The following DDO variants were observed in gnomAD, a reference collection of about 807,000 sequenced individuals.
DDO encodes the protein D-aspartate oxidase, DDO.
In DDO, 16 loss-of-function variants were observed where a neutral mutation model predicts 16.8. That is an observed-to-expected ratio of 0.95 (90% CI 0.65 to 1.45). DDO has a LOEUF of 1.45. DDO is among the 40% of genes most tolerant of loss of function. The probability of loss-of-function intolerance (pLI) is 0.00; values close to 1 mark genes in which losing one functional copy is unlikely to be tolerated. For synonymous variants in DDO, 180 were observed against 167.2 expected, an observed-to-expected ratio of 1.08 and a Z score of -0.59; for missense variants, 429 against 420.3, an observed-to-expected ratio of 1.02 and a Z score of -0.18.
intron 1 of DDO, 25 bp downstream of exon 1, chr6:110,415,442 C>T: frequency 3.1e-6 from 5 of 1,613,636 alleles, no homozygotes; most frequent in Non-Finnish European, 4.2e-6. Context: ...AACGACCCCT[C>T]AGCTGAAAGC....
rs780032661 is a variant in DDO, at chr6:110,404,841, CAT to C, written c.389_390del (p.Tyr130CysfsTer12). On this transcript the variant is annotated frameshift_variant, in exon 4 of 5. Transcript: ENST00000368924. LOFTEE classifies it high-confidence loss of function. ...TEAELKKFPQ[Y>X]VFGQAFTTLK... Reference sequence around the variant, plus strand: ...AGGGTTGTAAAAGCCTGACCAAACACATACTGGGGGAATTTCTTCAGCTCAGC... The same window carrying C: ...AGGGTTGTAAAAGCCTGACCAAACACACTGGGGGAATTTCTTCAGCTCAGC... 1.9e-6 allele frequency: 3 copies of C among 1,614,216 alleles called. No homozygotes were observed. The highest frequency in any genetic ancestry group is 2.5e-6 in the Non-Finnish European group (3 of 1,180,046).
chr6:110,392,221 G>A lies in DDO; in HGVS notation c.*554C>T. ...TTTTATTTAGAGGAATTATGTTGCT[G>A]ACTTGGCTATAACCTAAGAAGATCA... On this transcript the variant is annotated 3_prime_UTR_variant, in exon 5 of 5. Coordinates refer to ENST00000368924, the MANE Select transcript of DDO (RefSeq NM_001372108.2). The A allele has an allele frequency of 2.0e-6, 2 of 985,448 alleles. No individual in the cohort carries two copies. The highest frequency in any genetic ancestry group is 2.4e-6 in the Non-Finnish European group (2 of 829,942). The allele number at this position is 985,448 out of a possible 1,614,324, so 61.0% of individuals were successfully genotyped here.
chr6:110,392,526 A>C lies in DDO; in HGVS notation c.*249T>G. The C allele has an allele frequency of 8.5e-7, 1 of 1,182,300 alleles. No individual in the cohort carries two copies. The allele number at this position is 1,182,300 out of a possible 1,614,324, so 73.2% of individuals were successfully genotyped here. On this transcript the variant is annotated 3_prime_UTR_variant, in exon 5 of 5. Coordinates refer to ENST00000368924, the MANE Select transcript of DDO (RefSeq NM_001372108.2). ...GTTGGTGTTTTTTTTAGAGGTGGGA[A>C]CTGGCACCTCTAAAAAATGTTACCC...
intron 4 of DDO, among the ~76,000 whole-genome samples, chr6:110,395,077 G>T (rs1326049663): frequency 6.6e-6 from 1 of 152,176 alleles, no homozygotes; most frequent in Non-Finnish European, 1.5e-5. Flanking sequence ...CAACTTGATT[G>T]GGCTATGGGG....
At chr6:110,404,636 A>T (rs1773585816) in intron 4 of DDO, 138 bp downstream of exon 4, 4 of 795,268 alleles carry the variant, frequency 5.0e-6, no homozygotes, top group Non-Finnish European at 6.1e-6. Context: ...ACAAAGCCCT[A>T]GCCATTTGTG....
intron 3 of DDO, among the ~76,000 whole-genome samples, chr6:110,405,836 C>T (rs191885459): frequency 1.3e-5 from 2 of 151,794 alleles, no homozygotes; most frequent in African/African-American, 2.4e-5. Context: ...CCAGGGAGGT[C>T]GAGGCTGCAG....
Position 110,392,633 on chromosome 6 carries a change from C to T in DDO, c.*142G>A, listed in dbSNP as rs1582466551. The T allele has an allele frequency of 7.5e-7, 1 of 1,342,116 alleles. No individual in the cohort carries two copies. Among genetic ancestry groups the T allele is most frequent in the South Asian group, 2.3e-5 (1 of 44,222 alleles). The allele number at this position is 1,342,116 out of a possible 1,614,324, so 83.1% of individuals were successfully genotyped here. ...CTGGGACTATAGGCATGCCACCGTGCTCAGCTTACATGTTACACCACTTCT... is the reference window on the plus strand; with the variant it reads ...CTGGGACTATAGGCATGCCACCGTGTTCAGCTTACATGTTACACCACTTCT... On this transcript the variant is annotated 3_prime_UTR_variant, in exon 5 of 5. Coordinates refer to ENST00000368924, the MANE Select transcript of DDO (RefSeq NM_001372108.2).
Position 110,392,442 on chromosome 6 carries a change from C to G in DDO, c.*333G>C, listed in dbSNP as rs1016778010. The G allele has an allele frequency of 9.6e-7, 1 of 1,040,474 alleles. No homozygotes were observed. The highest frequency in any genetic ancestry group is 1.2e-6 in the Non-Finnish European group (1 of 867,380). The allele number at this position is 1,040,474 out of a possible 1,614,324, so 64.5% of individuals were successfully genotyped here. On this transcript the variant is annotated 3_prime_UTR_variant, in exon 5 of 5. Transcript: ENST00000368924. ...TTAACAAAAAATAGAGCTTTATGCCCTATGCCATTAATGCTGGACTTCCTA... is the reference window on the plus strand; with the variant it reads ...TTAACAAAAAATAGAGCTTTATGCCGTATGCCATTAATGCTGGACTTCCTA...
intron 3 of DDO, among the ~76,000 whole-genome samples, chr6:110,408,080 T>C (rs757572929): frequency 2.0e-5 from 3 of 152,180 alleles, no homozygotes; most frequent in Non-Finnish European, 4.4e-5. Context: ...CACTGCATGG[T>C]CTCTGAGGAA....
At chr6:110,402,491 C>G (rs969750059) in intron 4 of DDO, among the ~76,000 whole-genome samples, 2 of 152,046 alleles carry the variant, frequency 1.3e-5, no homozygotes, top group Non-Finnish European at 2.9e-5. Flanking sequence ...ATGGTGAAAC[C>G]CTGTCTCTAC....
chr6:110,411,571 T>C (rs1268934855), intron 2 of DDO, among the ~76,000 whole-genome samples: 4 of 152,142 alleles, frequency 2.6e-5, no homozygotes, highest in Admixed American at 2.6e-4. Context: ...AGAAATGTTA[T>C]AGTAGAAATA....
At chr6:110,415,389 G>A in intron 1 of DDO, 78 bp downstream of exon 1, 1 of 1,582,684 alleles carries the variant, frequency 6.3e-7, no homozygotes, top group Non-Finnish European at 8.6e-7. Flanking sequence ...ACTGTCCCCT[G>A]ACCCTATTCA....
chr6:110,413,233 A>G, intron 2 of DDO, 58 bp downstream of exon 2: 2 of 1,568,942 alleles, frequency 1.3e-6, no homozygotes, highest in Admixed American at 1.7e-5. Flanking sequence ...ATAGAATTCC[A>G]CTAACATCAT....
downstream of DDO, among the ~76,000 whole-genome samples, chr6:110,390,200 T>C (rs375862537): frequency 3.3e-5 from 5 of 152,262 alleles, no homozygotes; most frequent in South Asian, 4.1e-4. Context: ...AGGATAATGG[T>C]GACGCTAGCA....
At chr6:110,391,582 A>C (rs1773102131), downstream of DDO, among the ~76,000 whole-genome samples, 1 of 151,778 alleles carries the variant, frequency 6.6e-6, no homozygotes, top group Non-Finnish European at 1.5e-5. Flanking sequence ...TGATCCACCT[A>C]CCTCAGCCTC....
At chr6:110,389,463 A>T (rs1256452920), downstream of DDO, among the ~76,000 whole-genome samples, 6 of 152,256 alleles carry the variant, frequency 3.9e-5, no homozygotes, top group Admixed American at 3.9e-4. Context: ...TGAGAAATGC[A>T]AAGGCTATTT....
At chr6:110,394,470 T>C (rs1773225481) in intron 4 of DDO, among the ~76,000 whole-genome samples, 1 of 152,114 alleles carries the variant, frequency 6.6e-6, no homozygotes, top group South Asian at 2.1e-4. Context: ...CCCCAGGACA[T>C]GTAATCTTAT....
chr6:110,400,352 G>GGGGGGT (rs1554220580), intron 4 of DDO, among the ~76,000 whole-genome samples: 3 of 147,824 alleles, frequency 2.0e-5, no homozygotes, highest in Admixed American at 1.3e-4. Context: ...CCGGGGCGGG[G>GGGGGGT]ACTGGCGCCT....
chr6:110,410,058 C>T lies in DDO; in HGVS notation c.173-1616G>A, dbSNP rs532266767. Among the ~76,000 whole-genome samples the T allele has an allele frequency of 4.7e-3, 689 of 146,970 alleles. 2 individuals are homozygous for T. Among genetic ancestry groups the T allele is most frequent in the South Asian group, 0.012 (56 of 4,706 alleles). ...TACATGTATCAACTCATTTAATCCC[C>T]ACAACAACCCTATGGGACAGGCATG... On this transcript the variant is annotated intron_variant, in intron 2 of 4. Transcript: ENST00000368924.
Sources: allele counts gnomAD v4.1 joint callset (sites outside exome capture counted in the v4.1 genomes callset), GRCh38; gene constraint gnomAD v4.1.1; transcripts MANE v1.5; gene names NCBI Gene and HGNC (gene_info 2026-07-23, HGNC 2026-07-21).